The following USH2A variants were observed in gnomAD, a reference collection of about 807,000 sequenced individuals.
USH2A encodes the protein Usher syndrome 2A (autosomal recessive, mild).
Under a neutral mutation model 538.9 loss-of-function variants are expected in USH2A, and 443 were observed. The ratio of observed to expected loss-of-function variants is 0.82; its 90% CI spans 0.76 to 0.89. The LOEUF is 0.89. Among genes scored for constraint, USH2A ranks in the 40% least tolerant of loss-of-function variants. USH2A has a pLI of 0.00. For synonymous variants in USH2A, 2,413 were observed against 2,273.5 expected, an observed-to-expected ratio of 1.06 and a Z score of -1.75; for missense variants, 6,633 against 6,324.8, an observed-to-expected ratio of 1.05 and a Z score of -1.65.
chr1:216,358,354 G>A (rs551710468), intron 4 of USH2A, among the ~76,000 whole-genome samples: 3 of 152,202 alleles, frequency 2.0e-5, no homozygotes, highest in South Asian at 2.1e-4. Flanking sequence ...AGAGACAGCC[G>A]GCCTGGCACT....
chr1:216,309,466 G>C (rs1257695528), intron 9 of USH2A, among the ~76,000 whole-genome samples: 2 of 152,148 alleles, frequency 1.3e-5, no homozygotes, highest in East Asian at 3.9e-4. Context: ...ATTTAGATTT[G>C]TTGTGATTGT....
chr1:216,398,623 A>G (rs542875523), intron 3 of USH2A, among the ~76,000 whole-genome samples: 1 of 152,234 alleles, frequency 6.6e-6, no homozygotes, highest in African/African-American at 2.4e-5. Flanking sequence ...CGAGCTCATC[A>G]GGGAGCTAAT....
At chr1:215,882,836 A>T (rs1664950489) in intron 41 of USH2A, among the ~76,000 whole-genome samples, 1 of 152,166 alleles carries the variant, frequency 6.6e-6, no homozygotes, top group Non-Finnish European at 1.5e-5. Context: ...TTATTTGTTA[A>T]TCCTACTGAC....
chr1:215,878,755 T>C lies in USH2A; in HGVS notation c.8558+9A>G, dbSNP rs1664834996. On this transcript the variant is annotated intron_variant, in intron 42 of 71. Transcript: ENST00000307340. ...CAGCAACATAAAAATCATAGTCACCTTCTCTTACCTCAAATTAGGTCCATT... is the reference window on the plus strand; with the variant it reads ...CAGCAACATAAAAATCATAGTCACCCTCTCTTACCTCAAATTAGGTCCATT... 1 of 1,613,488 alleles carries C rather than the reference T, an allele frequency of 6.2e-7. No individual in the cohort carries two copies. The highest frequency in any genetic ancestry group is 1.3e-5 in the African/African-American group (1 of 74,938).
At chr1:215,649,102 C>T (rs529115112) in intron 65 of USH2A, among the ~76,000 whole-genome samples, 1 of 152,276 alleles carries the variant, frequency 6.6e-6, no homozygotes, top group Admixed American at 6.5e-5. Context: ...AAGTCTATGA[C>T]CCTCAGAGTG....
At chr1:215,776,548 T>C (rs1006152309) in intron 55 of USH2A, among the ~76,000 whole-genome samples, 1 of 152,168 alleles carries the variant, frequency 6.6e-6, no homozygotes, top group African/African-American at 2.4e-5. Flanking sequence ...CTTTCCCTCC[T>C]GTCATTCCTA....
intron 47 of USH2A, among the ~76,000 whole-genome samples, chr1:215,836,455 G>GTATATATATTATATATA (rs1558119626): frequency 3.5e-5 from 2 of 56,806 alleles, no homozygotes; most frequent in African/African-American, 1.2e-4. Flanking sequence ...ATGTGTGTGT[G>GTATATATATTATATATA]TATATATATT....
At chr1:216,289,692 G>C (rs2036963950) in intron 10 of USH2A, among the ~76,000 whole-genome samples, 1 of 152,070 alleles carries the variant, frequency 6.6e-6, no homozygotes, top group Non-Finnish European at 1.5e-5. Context: ...GAAAGAGTTT[G>C]CTCCTAAACT....
At chr1:216,151,566 G>T (rs1233060402) in intron 21 of USH2A, among the ~76,000 whole-genome samples, 5 of 152,122 alleles carry the variant, frequency 3.3e-5, no homozygotes, top group Admixed American at 1.3e-4. Context: ...TCTGTAGCCT[G>T]TCTAATGACT....
At chr1:215,748,276 G>C (rs1277566875) in intron 58 of USH2A, among the ~76,000 whole-genome samples, 1 of 152,104 alleles carries the variant, frequency 6.6e-6, no homozygotes, top group African/African-American at 2.4e-5. Context: ...AAATGAAGAG[G>C]GGAAGAATTG....
chr1:216,384,968 C>T (rs1277687385), intron 3 of USH2A, among the ~76,000 whole-genome samples: 1 of 152,064 alleles, frequency 6.6e-6, no homozygotes, highest in Non-Finnish European at 1.5e-5. Flanking sequence ...TGGTCATTAA[C>T]CAAAAGCTGA....
At chr1:216,144,542 T>A (rs2033659021) in intron 21 of USH2A, among the ~76,000 whole-genome samples, 1 of 152,176 alleles carries the variant, frequency 6.6e-6, no homozygotes, top group African/African-American at 2.4e-5. Flanking sequence ...AATTTATATA[T>A]AATACTAGGA....
intron 51 of USH2A, among the ~76,000 whole-genome samples, chr1:215,787,927 C>T (rs1661849645): frequency 1.3e-5 from 2 of 151,842 alleles, no homozygotes; most frequent in South Asian, 4.2e-4. Context: ...ACCTGTAATC[C>T]CAGCTACTTG....
chr1:216,082,010 A>G (rs1349624073), intron 26 of USH2A, among the ~76,000 whole-genome samples: 1 of 152,012 alleles, frequency 6.6e-6, no homozygotes, highest in Non-Finnish European at 1.5e-5. Flanking sequence ...ATGGCATAGT[A>G]GGGCATATAG....
At chr1:215,977,438 T>C (rs1483953921) in intron 35 of USH2A, among the ~76,000 whole-genome samples, 1 of 152,116 alleles carries the variant, frequency 6.6e-6, no homozygotes, top group Non-Finnish European at 1.5e-5. Flanking sequence ...GAAAGTAAGA[T>C]TTTGAGTCCT....
intron 3 of USH2A, among the ~76,000 whole-genome samples, chr1:216,412,470 G>A (rs1042664514): frequency 6.6e-5 from 10 of 151,870 alleles, no homozygotes; most frequent in East Asian, 1.9e-4. Flanking sequence ...GTAGTCTATC[G>A]CAACTGCCAT....
At chr1:216,360,039 A>G (rs1056725316) in intron 4 of USH2A, among the ~76,000 whole-genome samples, 1 of 152,116 alleles carries the variant, frequency 6.6e-6, no homozygotes, top group Non-Finnish European at 1.5e-5. Context: ...ATCTTACCAT[A>G]CGATCCAGTA....
chr1:215,832,861 T>A (rs189221426), intron 47 of USH2A, among the ~76,000 whole-genome samples: 1 of 151,916 alleles, frequency 6.6e-6, no homozygotes, highest in East Asian at 1.9e-4. Context: ...TTACAAGGAG[T>A]TTAGCAAGTT....
At chr1:215,641,680 A>G (rs1296145401) in intron 67 of USH2A, among the ~76,000 whole-genome samples, 1 of 152,206 alleles carries the variant, frequency 6.6e-6, no homozygotes, top group Non-Finnish European at 1.5e-5. Context: ...GGCTTTTAAG[A>G]AAAGAAAGGA....
Sources: allele counts gnomAD v4.1 joint callset (sites outside exome capture counted in the v4.1 genomes callset), GRCh38; gene constraint gnomAD v4.1.1; transcripts MANE v1.5; gene names NCBI Gene and HGNC (gene_info 2026-07-23, HGNC 2026-07-21).